IL1RAPL2: variants seen among roughly 807,000 people sequenced by gnomAD.
IL1RAPL2 encodes interleukin 1 receptor accessory protein like 2, also known as X-linked interleukin-1 receptor accessory protein-like 2.
Under a neutral mutation model 44.1 loss-of-function variants are expected in IL1RAPL2, and 3 were observed. The observed-to-expected ratio is 0.07, with a 90% CI of 0.03 to 0.18. The LOEUF is 0.18. Ranked by LOEUF, IL1RAPL2 falls within the 10% of genes least tolerant of loss-of-function variation. The pLI, the probability that IL1RAPL2 is intolerant of heterozygous loss-of-function variation, is 1.00. For synonymous variants in IL1RAPL2, 181 were observed against 178.8 expected, an observed-to-expected ratio of 1.01 and a Z score of -0.10; for missense variants, 391 against 496.4, an observed-to-expected ratio of 0.79 and a Z score of 2.02.
At chrX:104,657,437 T>A (rs962470704) in intron 1 of IL1RAPL2, among the ~76,000 whole-genome samples, 1 of 111,654 alleles carries the variant, frequency 9.0e-6, no homozygotes, top group Non-Finnish European at 1.9e-5. Context: ...AAGTTGAAAC[T>A]GGATCCCTTC....
At chrX:105,295,615 A>C (rs2147671530) in intron 5 of IL1RAPL2, among the ~76,000 whole-genome samples, 1 of 112,187 alleles carries the variant, frequency 8.9e-6, no homozygotes, top group African/African-American at 3.2e-5. Flanking sequence ...AAAATTGAAT[A>C]GAGTAGAAAC....
chrX:105,702,774 T>C (rs1006178074), intron 6 of IL1RAPL2, among the ~76,000 whole-genome samples: 1 of 111,725 alleles, frequency 9.0e-6, no homozygotes, highest in African/African-American at 3.2e-5. Context: ...AATCAGACTT[T>C]GGCAAAATAA....
At chrX:104,589,420 C>A (rs1159449217) in intron 1 of IL1RAPL2, among the ~76,000 whole-genome samples, 1 of 111,871 alleles carries the variant, frequency 8.9e-6, no homozygotes, top group African/African-American at 3.3e-5. Flanking sequence ...CTGTGGTGGC[C>A]GCTGATTAGG....
At chrX:105,117,449 A>C (rs932559843) in intron 2 of IL1RAPL2, among the ~76,000 whole-genome samples, 3 of 111,919 alleles carry the variant, frequency 2.7e-5, no homozygotes, top group Non-Finnish European at 5.6e-5. Flanking sequence ...TGACACAGAC[A>C]CTCAACAGGT....
At chrX:104,709,780 T>C (rs756974106) in intron 2 of IL1RAPL2, among the ~76,000 whole-genome samples, 3 of 110,973 alleles carry the variant, frequency 2.7e-5, no homozygotes, top group East Asian at 5.6e-4. Context: ...CCAGAATATA[T>C]AAAGAACTCT....
At chrX:104,828,817 A>T (rs1216293941) in intron 2 of IL1RAPL2, among the ~76,000 whole-genome samples, 1 of 112,657 alleles carries the variant, frequency 8.9e-6, no homozygotes, top group Non-Finnish European at 1.9e-5. Context: ...TCTTTCAGAG[A>T]TGCCCTGCCC....
chrX:105,117,378 A>G, intron 2 of IL1RAPL2, among the ~76,000 whole-genome samples: 1 of 112,070 alleles, frequency 8.9e-6, no homozygotes, highest in Non-Finnish European at 1.9e-5. Context: ...ATTAATTCTA[A>G]TGGAAAGGTA....
intron 3 of IL1RAPL2, chrX:105,218,908 A>T: frequency 9.6e-7 from 1 of 1,040,889 alleles, no homozygotes; most frequent in Non-Finnish European, 1.3e-6. Flanking sequence ...CTGCCCTCTG[A>T]AAATTAATTC....
At chrX:105,321,021 C>A (rs2147687577) in intron 5 of IL1RAPL2, among the ~76,000 whole-genome samples, 1 of 111,629 alleles carries the variant, frequency 9.0e-6, no homozygotes, top group South Asian at 3.8e-4. Context: ...CTCCATGAAG[C>A]CTTCCATGAT....
At chrX:105,292,129 C>T (rs2034618111) in intron 5 of IL1RAPL2, among the ~76,000 whole-genome samples, 1 of 111,454 alleles carries the variant, frequency 9.0e-6, no homozygotes, top group South Asian at 3.7e-4. Flanking sequence ...ATTGAGGTAT[C>T]ATAAAATGTA....
chrX:105,378,703 C>T (rs1602384710), intron 5 of IL1RAPL2, among the ~76,000 whole-genome samples: 2 of 111,903 alleles, frequency 1.8e-5, no homozygotes, highest in Admixed American at 9.5e-5. Context: ...TAGTGACGTA[C>T]ACTTTTCCTT....
intron 2 of IL1RAPL2, among the ~76,000 whole-genome samples, chrX:104,920,082 T>C (rs1924588397): frequency 9.0e-6 from 1 of 111,250 alleles, no homozygotes; most frequent in Admixed American, 9.5e-5. Context: ...CAATGGAGAC[T>C]ATTGCTGGCA....
At chrX:105,461,336 G>A (rs1433554674) in intron 5 of IL1RAPL2, among the ~76,000 whole-genome samples, 1 of 111,026 alleles carries the variant, frequency 9.0e-6, no homozygotes, top group African/African-American at 3.3e-5. Flanking sequence ...ATAGGATAAG[G>A]GACTTGGGCA....
intron 1 of IL1RAPL2, among the ~76,000 whole-genome samples, chrX:104,593,286 C>A (rs766598401): frequency 2.7e-4 from 30 of 111,730 alleles, no homozygotes; most frequent in African/African-American, 9.4e-4. Context: ...CAGGCATCTG[C>A]TACCCTGTAG....
chrX:104,906,094 G>A (rs1219361845), intron 2 of IL1RAPL2, among the ~76,000 whole-genome samples: 2 of 109,031 alleles, frequency 1.8e-5, no homozygotes, highest in African/African-American at 6.7e-5. Flanking sequence ...CTCATGATTT[G>A]GCTCTCTGTT....
intron 10 of IL1RAPL2, among the ~76,000 whole-genome samples, chrX:105,758,981 C>G (rs917440045): frequency 2.7e-5 from 3 of 111,664 alleles, no homozygotes; most frequent in Admixed American, 1.9e-4. Context: ...TTCATGGGGC[C>G]TAGAGGATCC....
At chrX:104,779,370 G>A (rs1421777795) in intron 2 of IL1RAPL2, among the ~76,000 whole-genome samples, 1 of 111,718 alleles carries the variant, frequency 9.0e-6, no homozygotes, top group Non-Finnish European at 1.9e-5. Flanking sequence ...GGTACAAACA[G>A]TCTCCTCACC....
chrX:105,734,669 T>G (rs1280590023), intron 7 of IL1RAPL2, among the ~76,000 whole-genome samples: 3 of 111,701 alleles, frequency 2.7e-5, no homozygotes, highest in African/African-American at 9.8e-5. Context: ...GCTAGAATTA[T>G]AGGCATGAAC....
chrX:104,732,799 C>T (rs1431004909), intron 2 of IL1RAPL2, among the ~76,000 whole-genome samples: 1 of 110,936 alleles, frequency 9.0e-6, no homozygotes, highest in Non-Finnish European at 1.9e-5. Context: ...ATCTTTTTAC[C>T]CAAACAAGAT....
Sources: allele counts gnomAD v4.1 joint callset (sites outside exome capture counted in the v4.1 genomes callset), GRCh38; gene constraint gnomAD v4.1.1; transcripts MANE v1.5; gene names NCBI Gene and HGNC (gene_info 2026-07-23, HGNC 2026-07-21).